MAN2A1: variants seen among roughly 807,000 people sequenced by gnomAD.
The protein encoded by MAN2A1 is mannosidase alpha class 2A member 1, also known as alpha-mannosidase 2.
MAN2A1 carries 76 observed loss-of-function variants against 142.6 expected under a neutral mutation model. That is an observed-to-expected ratio of 0.53 (90% CI 0.44 to 0.65). MAN2A1 has a LOEUF of 0.65. MAN2A1 is among the 30% of genes least tolerant of loss of function. MAN2A1 has a pLI of 0.00. For synonymous variants in MAN2A1, 559 were observed against 473.2 expected (o/e 1.18, Z -2.35); for missense variants, 1,311 against 1,365.1 (o/e 0.96, Z 0.62).
intron 12 of MAN2A1, among the ~76,000 whole-genome samples, chr5:109,795,286 C>G (rs988536710): frequency 3.3e-5 from 5 of 152,198 alleles, no homozygotes; most frequent in African/African-American, 9.6e-5. Flanking sequence ...CAGTCCCTCC[C>G]ACCCTTAGCA....
intron 5 of MAN2A1, among the ~76,000 whole-genome samples, chr5:109,766,579 A>G (rs1561501017): frequency 6.6e-6 from 1 of 152,076 alleles, no homozygotes; most frequent in Admixed American, 6.6e-5. Flanking sequence ...ACTTTGTGTT[A>G]CACTTATTTG....
At chr5:109,750,066 T>G (rs767762524) in intron 4 of MAN2A1, among the ~76,000 whole-genome samples, 19 of 152,164 alleles carry the variant, frequency 1.2e-4, no homozygotes, top group Non-Finnish European at 2.1e-4. Flanking sequence ...TCCAGACATA[T>G]TGTTTCTGTT....
chr5:109,854,966 T>A (rs745861759), intron 19 of MAN2A1, 174 bp from the exon 20 acceptor site: 1 of 419,690 alleles, frequency 2.4e-6, no homozygotes, highest in Non-Finnish European at 4.2e-6. Flanking sequence ...TTTCTTTTAT[T>A]GCTTACAACT....
At chr5:109,739,594 C>A (rs1406755209) in intron 4 of MAN2A1, among the ~76,000 whole-genome samples, 1 of 152,098 alleles carries the variant, frequency 6.6e-6, no homozygotes, top group Non-Finnish European at 1.5e-5. Context: ...TATTGTTGTC[C>A]GTAAGTCCAA....
At chr5:109,754,240 C>A (rs1006388063) in intron 4 of MAN2A1, among the ~76,000 whole-genome samples, 3 of 152,076 alleles carry the variant, frequency 2.0e-5, no homozygotes, top group African/African-American at 7.2e-5. Flanking sequence ...TTTATGCTTC[C>A]TTGGGCACTA....
chr5:109,754,657 C>T (rs1163725922), intron 4 of MAN2A1, among the ~76,000 whole-genome samples: 3 of 152,182 alleles, frequency 2.0e-5, no homozygotes, highest in Non-Finnish European at 4.4e-5. Context: ...ACTCATCAAG[C>T]ATATAGTCTG....
intron 9 of MAN2A1, among the ~76,000 whole-genome samples, chr5:109,783,989 C>T (rs1459104473): frequency 2.6e-5 from 4 of 151,984 alleles, no homozygotes; most frequent in African/African-American, 9.7e-5. Flanking sequence ...CCTCAGCCTC[C>T]TGAGTAGTTA....
chr5:109,861,863 C>G (rs1755768044), intron 20 of MAN2A1, among the ~76,000 whole-genome samples: 1 of 152,250 alleles, frequency 6.6e-6, no homozygotes, highest in African/African-American at 2.4e-5. Flanking sequence ...ATATCCCATC[C>G]ATTGGCGGGA....
At chr5:109,807,561 C>G (rs1257300374) in intron 12 of MAN2A1, among the ~76,000 whole-genome samples, 1 of 151,994 alleles carries the variant, frequency 6.6e-6, no homozygotes, top group African/African-American at 2.4e-5. Context: ...GGCCTGTGGC[C>G]CCTTCCTTGT....
At chr5:109,719,590 G>A (rs1751547488) in intron 3 of MAN2A1, among the ~76,000 whole-genome samples, 1 of 152,038 alleles carries the variant, frequency 6.6e-6, no homozygotes, top group Admixed American at 6.6e-5. Flanking sequence ...ATAGAGATTT[G>A]TTTGCATTTT....
intron 12 of MAN2A1, among the ~76,000 whole-genome samples, chr5:109,816,644 T>C (rs1251835056): frequency 6.6e-6 from 1 of 152,222 alleles, no homozygotes; most frequent in Non-Finnish European, 1.5e-5. Context: ...CTGGAACTCA[T>C]TGTGATGAAA....
At chr5:109,691,995 T>A (rs1750685758) in intron 1 of MAN2A1, among the ~76,000 whole-genome samples, 1 of 152,230 alleles carries the variant, frequency 6.6e-6, no homozygotes, top group Admixed American at 6.5e-5. Context: ...ATTTTCAGAT[T>A]TTCCTCCATT....
chr5:109,781,599 G>A lies in MAN2A1; in HGVS notation c.1577+1G>A. 6.3e-7 allele frequency: 1 copy of A among 1,580,640 alleles called. No individual in the cohort carries two copies. The highest frequency in any genetic ancestry group is 8.6e-7 in the Non-Finnish European group (1 of 1,167,568). ...ACAGAATCATGGAATCTCATTTAAGGTACTTTTACCTTTCTATAGCTACAT... is the reference window on the plus strand; with the variant it reads ...ACAGAATCATGGAATCTCATTTAAGATACTTTTACCTTTCTATAGCTACAT... On this transcript the variant is annotated splice_donor_variant, in intron 9 of 21. Transcript: ENST00000261483. LOFTEE classifies it high-confidence loss of function.
chr5:109,746,671 TACA>T (rs1554075409), intron 4 of MAN2A1, among the ~76,000 whole-genome samples: 1 of 151,984 alleles, frequency 6.6e-6, no homozygotes, highest in Non-Finnish European at 1.5e-5. Flanking sequence ...ACAGTAGCAT[TACA>T]ACATTTACAT....
intron 1 of MAN2A1, chr5:109,699,694 G>A (rs1465689125): frequency 6.4e-6 from 1 of 155,896 alleles, no homozygotes; most frequent in Non-Finnish European, 1.5e-5. Flanking sequence ...CATCCTCTAC[G>A]ACTGAGCATG....
intron 4 of MAN2A1, among the ~76,000 whole-genome samples, chr5:109,734,351 T>G (rs1291452977): frequency 3.9e-5 from 6 of 151,986 alleles, no homozygotes; most frequent in Non-Finnish European, 7.4e-5. Flanking sequence ...TTTGAAGAGT[T>G]TTTTGTGTCT....
chr5:109,739,345 A>T (rs1187155996), intron 4 of MAN2A1, among the ~76,000 whole-genome samples: 1 of 152,028 alleles, frequency 6.6e-6, no homozygotes, highest in Non-Finnish European at 1.5e-5. Flanking sequence ...TCTTTAGCTT[A>T]TGTGTTCTGT....
rs11343270 is a variant in MAN2A1, at chr5:109,748,401, C to CTT, written c.708-6915_708-6914dup. Reference sequence around the variant, plus strand: ...GAAATATCTGCATTGTATCTTTTGCCTTTTTTTTTTTTTTGCATTATCAGT... The same window carrying CTT: ...GAAATATCTGCATTGTATCTTTTGCCTTTTTTTTTTTTTTTTGCATTATCAGT... On this transcript the variant is annotated intron_variant, in intron 4 of 21. Coordinates refer to ENST00000261483, the MANE Select transcript of MAN2A1 (RefSeq NM_002372.4). Among the ~76,000 whole-genome samples, 6 of 133,848 alleles carry CTT rather than the reference C, an allele frequency of 4.5e-5. No individual in the cohort carries two copies. The East Asian group carries it at 6.6e-4, about 15-fold the overall frequency. The allele number at this position is 133,848 out of a possible 152,430, so 87.8% of individuals were successfully genotyped here.
chr5:109,851,723 C>T (rs565153185), intron 19 of MAN2A1, among the ~76,000 whole-genome samples: 4 of 152,170 alleles, frequency 2.6e-5, no homozygotes, highest in South Asian at 2.1e-4. Context: ...GTTTCTTTGA[C>T]GGTTTATCCT....
Sources: gnomAD v4.1 joint callset for allele counts (sites outside exome capture counted in the v4.1 genomes callset) on GRCh38, gnomAD v4.1.1 for gene constraint, MANE v1.5 for transcripts, NCBI Gene and HGNC (gene_info 2026-07-23, HGNC 2026-07-21) for gene names.